Variants in JCAD observed in about 807,000 individuals in gnomAD.
JCAD encodes the protein junctional cadherin 5 associated.
In JCAD, 40 loss-of-function variants were observed where a neutral mutation model predicts 98.0. The ratio of observed to expected loss-of-function variants is 0.41; its 90% CI spans 0.32 to 0.53. JCAD has a LOEUF of 0.53. Ranked by LOEUF, JCAD falls within the 20% of genes least tolerant of loss-of-function variation. The pLI is 0.31. For synonymous variants in JCAD, 691 were observed against 682.3 expected (o/e 1.01, Z -0.20); for missense variants, 1,705 against 1,738.1 (o/e 0.98, Z 0.34).
At chr10:30,034,546 G>A (rs1046927279) in intron 2 of JCAD, among the ~76,000 whole-genome samples, 7 of 152,124 alleles carry the variant, frequency 4.6e-5, no homozygotes, top group East Asian at 1.9e-4. Flanking sequence ...ACTGCTTCCT[G>A]GTCAGGTTCG....
intron 1 of JCAD, among the ~76,000 whole-genome samples, chr10:30,097,487 T>C (rs970414059): frequency 6.6e-6 from 1 of 152,172 alleles, no homozygotes; most frequent in African/African-American, 2.4e-5. Flanking sequence ...CAGTGGCTCA[T>C]GCCTATAATC....
In JCAD at chr10:30,028,087, T is replaced by C. The variant is rs1836877361; in HGVS notation, c.2061A>G (p.Arg687=). 2 of 1,614,268 alleles carry C rather than the reference T, an allele frequency of 1.2e-6. No homozygotes were observed. The highest frequency in any genetic ancestry group is 1.7e-6 in the Non-Finnish European group (2 of 1,180,052). ...HSGSWPGHRY[R]DQQTQTSFSE... ...AGAAACTGGTTTGTGTTTGCTGATC[T>C]CTGTACCGGTGCCCTGGCCAAGAGC... Residue 687 remains arginine (R), a synonymous_variant, in exon 3 of 4, where the codon AGA becomes AGG. Coordinates refer to ENST00000375377, the MANE Select transcript of JCAD (RefSeq NM_020848.4).
Position 30,095,013 on chromosome 10 carries a change from C to T in JCAD, n.128+20354G>A, listed in dbSNP as rs566685519. The stretch of plus-strand genomic sequence containing the variant: ...TTGGACCCAGTGATTCAGATTTCAG[C>T]CCGGGGTGGATCTTGGCCGGTGCAC... On this transcript the variant is annotated intron_variant and non_coding_transcript_variant, in intron 1 of 2. Transcript: ENST00000465712. Among the ~76,000 whole-genome samples, 17 of 152,272 alleles carry T rather than the reference C, an allele frequency of 1.1e-4. 1 individual carries two copies. In the South Asian group the frequency reaches 3.5e-3, roughly 32 times the overall value.
At position 30,092,415 on chromosome 10, in the gene JCAD, A is replaced by G. The variant is rs183025232; in HGVS notation, n.129-22594T>C. On this transcript the variant is annotated intron_variant and non_coding_transcript_variant, in intron 1 of 2. Coordinates refer to the JCAD transcript ENST00000465712. ...CAAAGCAAAGTAGCTGGGAAATTCT[A>G]TAGTTGTCAAAACCATCACAACCAC... Among the ~76,000 whole-genome samples, 33 of 152,086 alleles carry G rather than the reference A, an allele frequency of 2.2e-4. 1 individual carries two copies. Among genetic ancestry groups the G allele is most frequent in the Admixed American group, 1.6e-3 (25 of 15,272 alleles).
chr10:30,038,302 A>AT (rs1429125550), intron 2 of JCAD, among the ~76,000 whole-genome samples: 1 of 152,158 alleles, frequency 6.6e-6, no homozygotes, highest in Non-Finnish European at 1.5e-5. Context: ...GTAGTGTTTA[A>AT]TGCACGTAAC....
chr10:30,091,766 G>A (rs1589715051), intron 1 of JCAD, among the ~76,000 whole-genome samples: 1 of 107,386 alleles, frequency 9.3e-6, no homozygotes, highest in Non-Finnish European at 1.7e-5. Flanking sequence ...GCTCACTCCT[G>A]TAATCCTAGC....
intron 2 of JCAD, among the ~76,000 whole-genome samples, chr10:30,036,882 G>A (rs1374190295): frequency 2.0e-5 from 3 of 152,238 alleles, no homozygotes; most frequent in Non-Finnish European, 2.9e-5. Flanking sequence ...GCAGATGCCT[G>A]CTGCTTTCCA....
intron 1 of JCAD, among the ~76,000 whole-genome samples, chr10:30,112,955 A>G (rs1214270953): frequency 6.6e-6 from 1 of 151,826 alleles, no homozygotes; most frequent in Non-Finnish European, 1.5e-5. Context: ...ATGGGGCGTG[A>G]CTGCTTAATG....
chr10:30,089,677 A>G (rs1264721180), intron 1 of JCAD, among the ~76,000 whole-genome samples: 5 of 152,172 alleles, frequency 3.3e-5, no homozygotes, highest in African/African-American at 1.2e-4. Context: ...TACCATCACC[A>G]TTCTTGCAGC....
intron 2 of JCAD, among the ~76,000 whole-genome samples, chr10:30,066,009 T>C (rs920102594): frequency 6.6e-6 from 1 of 152,166 alleles, no homozygotes; most frequent in Non-Finnish European, 1.5e-5. Context: ...GATTCTCACA[T>C]ACAGTAAAGT....
intron 1 of JCAD, among the ~76,000 whole-genome samples, chr10:30,053,412 T>A (rs1182390017): frequency 2.6e-5 from 4 of 151,804 alleles, no homozygotes; most frequent in Non-Finnish European, 5.9e-5. Context: ...AATACAAAAA[T>A]TAGCCAGGCG....
Position 30,026,205 on chromosome 10 carries a change from C to A in JCAD, c.3943G>T (p.Gly1315Cys), listed in dbSNP as rs1836789377. 2 of 1,614,000 alleles carry A rather than the reference C, an allele frequency of 1.2e-6. No individual in the cohort carries two copies. Among genetic ancestry groups the A allele is most frequent in the Non-Finnish European group, 8.5e-7 (1 of 1,180,036 alleles). The change falls in exon 3 of 4, where the codon GGC becomes TGC. Residue 1315 changes from glycine to cysteine, a missense_variant. This residue lies in a region of JCAD where 1,278 missense variants were observed against 1,243.1 expected (regional missense o/e 1.03). Transcript: ENST00000375377. ...PGSGDRAQRL[G>C]HSLSVSKDSI... ...TCCTTGGACACAGAGAGTGAGTGGC[C>A]CAATCTCTGGGCACGGTCCCCACTG... is the stretch of plus-strand genomic sequence containing the variant.
At chr10:30,067,835 T>TACACAA (rs1837812013) in intron 2 of JCAD, among the ~76,000 whole-genome samples, 5 of 152,188 alleles carry the variant, frequency 3.3e-5, no homozygotes, top group Admixed American at 2.0e-4. Flanking sequence ...AGAGTGCATG[T>TACACAA]ACACAAACCA....
rs770651811 is a variant in JCAD at position 30,027,285 on chromosome 10, C to G, written c.2863G>C (p.Glu955Gln). The change falls in exon 3 of 4, where the codon GAG becomes CAG. Residue 955 changes from glutamate (E) to glutamine (Q), a missense_variant. Transcript: ENST00000375377. ...TTGCTAACCTCCAGGTGTCTCTTCTCTGCACTCGTGCTTCCATCTGCTGAG... is the reference window on the plus strand; with the variant it reads ...TTGCTAACCTCCAGGTGTCTCTTCTGTGCACTCGTGCTTCCATCTGCTGAG... ...FCSADGSTSA[E>Q]KRHLEVSNGM... 1 of 1,614,218 alleles carries G rather than the reference C, an allele frequency of 6.2e-7. No individual in the cohort carries two copies. The highest frequency in any genetic ancestry group is 8.5e-7 in the Non-Finnish European group (1 of 1,180,048).
chr10:30,088,938 A>AC (rs1384056598), intron 1 of JCAD, among the ~76,000 whole-genome samples: 2 of 152,240 alleles, frequency 1.3e-5, no homozygotes, highest in Non-Finnish European at 2.9e-5. Flanking sequence ...AGATAGCAGC[A>AC]CTGCAGTCCA....
chr10:30,072,651 A>G (rs1837912561), intron 1 of JCAD, among the ~76,000 whole-genome samples: 1 of 146,142 alleles, frequency 6.8e-6, no homozygotes. Flanking sequence ...GAAATCTTAA[A>G]CAATTTCTTT....
At chr10:30,050,663 C>T (rs2132647553) in intron 1 of JCAD, among the ~76,000 whole-genome samples, 1 of 152,292 alleles carries the variant, frequency 6.6e-6, no homozygotes, top group East Asian at 1.9e-4. Flanking sequence ...CATTTTCTTC[C>T]TGGGGCTGGA....
intron 1 of JCAD, among the ~76,000 whole-genome samples, chr10:30,049,807 C>T (rs919545175): frequency 2.6e-5 from 4 of 152,174 alleles, no homozygotes; most frequent in African/African-American, 9.6e-5. Context: ...GGCTTTAGGG[C>T]AGGGTCTTTG....
intron 3 of JCAD, among the ~76,000 whole-genome samples, chr10:30,023,662 G>T (rs886541182): frequency 6.6e-6 from 1 of 151,822 alleles, no homozygotes; most frequent in African/African-American, 2.4e-5. Context: ...CCATTTTATT[G>T]TATATTAGCA....
Sources: allele counts gnomAD v4.1 joint callset (sites outside exome capture counted in the v4.1 genomes callset), GRCh38; gene constraint gnomAD v4.1.1; regional missense constraint gnomAD v4.1.1; transcripts MANE v1.5; gene names NCBI Gene and HGNC (gene_info 2026-07-23, HGNC 2026-07-21).